Variants in LRP1B observed in about 807,000 individuals in gnomAD.
The protein encoded by LRP1B is low-density lipoprotein receptor-related protein 1B.
In LRP1B, 217 loss-of-function variants were observed where a neutral mutation model predicts 556.6. That is an observed-to-expected ratio of 0.39 (90% CI 0.35 to 0.44). The LOEUF (loss-of-function observed/expected upper bound fraction) is 0.44, where lower values mean the gene tolerates loss of function less well. Ranked by LOEUF, LRP1B falls within the 20% of genes least tolerant of loss-of-function variation. The pLI, the probability that LRP1B is intolerant of heterozygous loss-of-function variation, is 1.00. For missense variants in LRP1B, 5,053 were observed against 5,620.8 expected (o/e 0.90, Z 3.23); for synonymous variants, 2,047 against 1,865.8 (o/e 1.10, Z -2.50).
chr2:140,319,844 G>C (rs1342662968), intron 82 of LRP1B, among the ~76,000 whole-genome samples: 1 of 152,110 alleles, frequency 6.6e-6, no homozygotes, highest in Non-Finnish European at 1.5e-5. Context: ...TAAAGGGGAA[G>C]GGAGCATCCC....
chr2:140,377,220 C>T (rs1329806158), intron 68 of LRP1B, among the ~76,000 whole-genome samples: 3 of 152,050 alleles, frequency 2.0e-5, no homozygotes, highest in Non-Finnish European at 4.4e-5. Context: ...GGACTATAGG[C>T]GTGCACCATC....
chr2:141,171,739 T>A (rs1680507160), intron 7 of LRP1B, among the ~76,000 whole-genome samples: 1 of 152,030 alleles, frequency 6.6e-6, no homozygotes, highest in Non-Finnish European at 1.5e-5. Context: ...ATTTACTAGC[T>A]TTTTTACCAT....
At chr2:140,415,094 C>T (rs1685131046) in intron 66 of LRP1B, among the ~76,000 whole-genome samples, 1 of 152,166 alleles carries the variant, frequency 6.6e-6, no homozygotes, top group Non-Finnish European at 1.5e-5. Flanking sequence ...CTGCAGTACC[C>T]TCAGGCTTAC....
At chr2:141,957,241 G>C (rs1388861997) in intron 1 of LRP1B, among the ~76,000 whole-genome samples, 1 of 151,956 alleles carries the variant, frequency 6.6e-6, no homozygotes, top group Non-Finnish European at 1.5e-5. Context: ...TATCTTTGCA[G>C]GTGAACCACA....
At chr2:140,510,189 A>G (rs1345622231) in intron 51 of LRP1B, 133 bp from the exon 52 acceptor site, 9 of 814,592 alleles carry the variant, frequency 1.1e-5, no homozygotes, top group Non-Finnish European at 1.7e-5. Context: ...GTTATTGGGA[A>G]TCATTAAACA....
intron 1 of LRP1B, among the ~76,000 whole-genome samples, chr2:141,944,644 CA>C (rs1700903346): frequency 6.6e-6 from 1 of 151,920 alleles, no homozygotes; most frequent in African/African-American, 2.4e-5. Flanking sequence ...TATATATATC[CA>C]AAGATATATA....
intron 23 of LRP1B, among the ~76,000 whole-genome samples, chr2:140,901,150 G>A (rs534919269): frequency 1.3e-5 from 2 of 151,946 alleles, no homozygotes; most frequent in South Asian, 4.1e-4. Flanking sequence ...GGCTCCAGGT[G>A]GGGGAGGGCT....
intron 71 of LRP1B, among the ~76,000 whole-genome samples, chr2:140,368,871 G>A (rs540652186): frequency 4.0e-4 from 61 of 151,814 alleles, no homozygotes; most frequent in African/African-American, 1.4e-3. Context: ...AATGCCTTAA[G>A]GTACATTCAT....
intron 6 of LRP1B, among the ~76,000 whole-genome samples, chr2:141,222,486 T>C (rs1683086578): frequency 6.6e-6 from 1 of 152,148 alleles, no homozygotes; most frequent in African/African-American, 2.4e-5. Context: ...CTGAAACTAT[T>C]CCAAGCAACT....
intron 1 of LRP1B, among the ~76,000 whole-genome samples, chr2:141,816,117 A>T (rs1038766784): frequency 2.0e-5 from 3 of 151,692 alleles, no homozygotes; most frequent in African/African-American, 7.3e-5. Flanking sequence ...GGAGGGATAG[A>T]TACAGAATAA....
Position 140,370,742 on chromosome 2 carries a change from A to G in LRP1B, c.10976T>C (p.Val3659Ala), listed in dbSNP as rs1287606786. Residue 3659 changes from valine to alanine, a missense_variant, in exon 71 of 91, where the codon GTG (valine) becomes GCG (alanine). Val to Ala is a moderately conservative substitution (Grantham distance 64). This residue lies in a region of LRP1B where 599 missense variants were observed against 648.4 expected (regional missense o/e 0.92). Transcript: ENST00000389484. ...ACAGTTCTCTTCATCACTGCCATCC[A>G]CACAGTCATGAATTCCATCACACAG... ...RWLCDGIHDCVDGSDEENCER... is the reference protein window; with the variant it reads ...RWLCDGIHDCADGSDEENCER... 2 of 1,612,912 alleles carry G rather than the reference A, an allele frequency of 1.2e-6. No individual in the cohort carries two copies. Among genetic ancestry groups the G allele is most frequent in the South Asian group, 1.1e-5 (1 of 91,050 alleles).
At chr2:140,874,558 A>G (rs2890550) in intron 25 of LRP1B, among the ~76,000 whole-genome samples, 3,857 of 152,256 alleles carry the variant, frequency 0.025, 69 homozygotes, top group Non-Finnish European at 0.038. Flanking sequence ...TGGTTTATCA[A>G]AACAACTCCT....
chr2:141,772,680 A>G (rs1436364097), intron 2 of LRP1B, among the ~76,000 whole-genome samples: 1 of 152,186 alleles, frequency 6.6e-6, no homozygotes, highest in Non-Finnish European at 1.5e-5. Flanking sequence ...ATGTTTGAAT[A>G]ATCCCCAGTC....
intron 41 of LRP1B, among the ~76,000 whole-genome samples, chr2:140,691,411 T>A (rs568809266): frequency 1.1e-3 from 158 of 148,402 alleles, no homozygotes; most frequent in Non-Finnish European, 1.9e-3. Context: ...GCGGAGGTTG[T>A]GGTTAGCCAA....
At chr2:141,958,209 A>G (rs547417481) in intron 1 of LRP1B, among the ~76,000 whole-genome samples, 26 of 152,014 alleles carry the variant, frequency 1.7e-4, no homozygotes, top group South Asian at 1.0e-3. Flanking sequence ...CACACAGCCA[A>G]ACATTGGCAT....
At chr2:141,708,950 T>C (rs1692253323) in intron 2 of LRP1B, among the ~76,000 whole-genome samples, 1 of 152,170 alleles carries the variant, frequency 6.6e-6, no homozygotes, top group Non-Finnish European at 1.5e-5. Flanking sequence ...TGTGAGAGAA[T>C]AAATTTCTGT....
intron 7 of LRP1B, among the ~76,000 whole-genome samples, chr2:141,160,449 A>G (rs1394993595): frequency 6.6e-6 from 1 of 152,106 alleles, no homozygotes; most frequent in African/African-American, 2.4e-5. Context: ...ACAAAAACCT[A>G]TAGACAGATT....
At chr2:141,003,399 G>T (rs970707033) in intron 15 of LRP1B, among the ~76,000 whole-genome samples, 8 of 152,102 alleles carry the variant, frequency 5.3e-5, no homozygotes, top group African/African-American at 1.9e-4. Flanking sequence ...AAATGAGATG[G>T]TGATACGGTT....
At chr2:140,553,002 C>A (rs1214735421) in intron 43 of LRP1B, among the ~76,000 whole-genome samples, 1 of 152,048 alleles carries the variant, frequency 6.6e-6, no homozygotes, top group East Asian at 1.9e-4. Context: ...TAAAAATATT[C>A]AGTTTCATAA....
Sources: allele counts gnomAD v4.1 joint callset (sites outside exome capture counted in the v4.1 genomes callset), GRCh38; gene constraint gnomAD v4.1.1; regional missense constraint gnomAD v4.1.1; transcripts MANE v1.5; gene names NCBI Gene and HGNC (gene_info 2026-07-23, HGNC 2026-07-21).